The following RRAS2 variants were observed in gnomAD, a reference collection of about 807,000 sequenced individuals.
RRAS2 encodes RAS related 2.
A neutral mutation model predicts 27.6 loss-of-function variants in RRAS2; 7 were observed. The observed-to-expected ratio is 0.25, with a 90% confidence interval of 0.14 to 0.48. The LOEUF is 0.48. RRAS2 is among the 20% of genes least tolerant of loss of function. The pLI is 0.99. For synonymous variants in RRAS2, 86 were observed against 90.9 expected, an observed-to-expected ratio of 0.95 and a Z score of 0.31; for missense variants, 178 against 256.2, an observed-to-expected ratio of 0.69 and a Z score of 2.08.
chr11:14,320,724 A>G (rs1848203211), intron 1 of RRAS2, among the ~76,000 whole-genome samples: 1 of 152,226 alleles, frequency 6.6e-6, no homozygotes, highest in South Asian at 2.1e-4. Flanking sequence ...TTTATTTTAA[A>G]TAGGATGGAT....
chr11:14,294,427 T>C (rs782261336), intron 4 of RRAS2, 44 bp downstream of exon 4: 13 of 1,286,468 alleles, frequency 1.0e-5, no homozygotes, highest in Admixed American at 2.2e-5. Context: ...TTCACTCACA[T>C]GATTATAAAC....
chr11:14,332,710 T>A (rs952779912), intron 1 of RRAS2, among the ~76,000 whole-genome samples: 8 of 152,110 alleles, frequency 5.3e-5, no homozygotes, highest in Admixed American at 3.3e-4. Flanking sequence ...CTTGGAGAGA[T>A]AGAAATGTCC....
In RRAS2 at chr11:14,290,501, T is replaced by C. The variant is rs140560804; in HGVS notation, c.408+3970A>G. On this transcript the variant is annotated intron_variant, in intron 4 of 5. Coordinates refer to ENST00000256196, the MANE Select transcript of RRAS2 (RefSeq NM_012250.6). ...ACTATAGCATCTCAATTTCATGCTA[T>C]AGTATCTCAATTTCAATAGCATGCC... 5.2e-3 allele frequency among the ~76,000 whole-genome samples: 792 copies of C among 152,272 alleles called. 6 individuals are homozygous for C. Among genetic ancestry groups the C allele is most frequent in the African/African-American group, 0.018 (744 of 41,554 alleles).
rs1554946031 is a variant in RRAS2 at position 14,293,124 on chromosome 11, A to AATACATATAT, written c.408+1346_408+1347insATATATGTAT. ...CTCCGTCTCAAAACAAAACAAAACAAATATATATATATATATATATATATA... is the reference window on the plus strand; with the variant it reads ...CTCCGTCTCAAAACAAAACAAAACAAATACATATATATATATATATATATATATATATATA... On this transcript the variant is annotated intron_variant, in intron 4 of 5. Transcript: ENST00000256196. Among the ~76,000 whole-genome samples, 29 of 76,798 alleles carry AATACATATAT rather than the reference A, an allele frequency of 3.8e-4. 1 individual carries two copies. The highest frequency in any genetic ancestry group is 1.7e-3 in the African/African-American group (28 of 16,002). 50.4% of individuals were successfully genotyped at this position (76,798 alleles called of 152,430 possible). A position where few individuals can be genotyped will look rare whatever the true frequency, so the allele number is the denominator to read the frequency against.
chr11:14,343,911 T>G (rs1554953690), intron 1 of RRAS2, among the ~76,000 whole-genome samples: 1 of 151,490 alleles, frequency 6.6e-6, no homozygotes, highest in African/African-American at 2.4e-5. Context: ...GAGGCCAAGG[T>G]GGGCAGATCA....
chr11:14,320,743 A>G (rs1198694902), intron 1 of RRAS2, among the ~76,000 whole-genome samples: 1 of 152,228 alleles, frequency 6.6e-6, no homozygotes, highest in Non-Finnish European at 1.5e-5. Flanking sequence ...ATTGGTAAAA[A>G]TAAAAATATA....
At chr11:14,339,248 C>T (rs1848648569) in intron 1 of RRAS2, among the ~76,000 whole-genome samples, 1 of 126,930 alleles carries the variant, frequency 7.9e-6, no homozygotes, top group Non-Finnish European at 1.5e-5. Context: ...TCGAGACCAG[C>T]CTGGGCAACA....
At chr11:14,314,185 C>T (rs977560480) in intron 1 of RRAS2, among the ~76,000 whole-genome samples, 2 of 152,140 alleles carry the variant, frequency 1.3e-5, no homozygotes, top group Non-Finnish European at 2.9e-5. Context: ...CATTAAATGC[C>T]TTTGTTTACA....
At chr11:14,324,966 G>A (rs536349916) in intron 1 of RRAS2, among the ~76,000 whole-genome samples, 1 of 152,276 alleles carries the variant, frequency 6.6e-6, no homozygotes, top group South Asian at 2.1e-4. Context: ...ATTGAGGGGA[G>A]AGATTATAAA....
chr11:14,300,031 G>A lies in RRAS2; in HGVS notation c.109-4176C>T, dbSNP rs7927818. ...GAAAGGATGTTCTGTAGCAGAAAGA[G>A]AAAAAAAGAGGAAAAAAAAGCAAGC... On this transcript the variant is annotated intron_variant, in intron 1 of 5. Coordinates refer to ENST00000256196, the MANE Select transcript of RRAS2 (RefSeq NM_012250.6). Among the ~76,000 whole-genome samples, 958 of 151,950 alleles carry A rather than the reference G, an allele frequency of 6.3e-3. 16 individuals carry two copies. The highest frequency in any genetic ancestry group is 0.022 in the African/African-American group (906 of 41,438).
chr11:14,323,119 C>T (rs549301520), intron 1 of RRAS2, among the ~76,000 whole-genome samples: 7 of 152,128 alleles, frequency 4.6e-5, no homozygotes, highest in East Asian at 3.9e-4. Flanking sequence ...AATGGACATA[C>T]GCCTAGAAAA....
intron 1 of RRAS2, among the ~76,000 whole-genome samples, chr11:14,302,052 G>C (rs184594366): frequency 1.9e-5 from 2 of 104,260 alleles, no homozygotes; most frequent in East Asian, 7.0e-4. Context: ...TATAAAACAA[G>C]GAGTAAATGT....
chr11:14,327,645 T>C, intron 1 of RRAS2, among the ~76,000 whole-genome samples: 1 of 152,208 alleles, frequency 6.6e-6, no homozygotes, highest in East Asian at 1.9e-4. Flanking sequence ...GCTACCAGAA[T>C]TTTAATAAAA....
At chr11:14,292,964 G>A (rs765841582) in intron 4 of RRAS2, among the ~76,000 whole-genome samples, 11 of 150,990 alleles carry the variant, frequency 7.3e-5, no homozygotes, top group Admixed American at 2.0e-4. Context: ...AAAATTAGCC[G>A]GGCATGCTGG....
chr11:14,287,258 T>C (rs1295932265), intron 4 of RRAS2, among the ~76,000 whole-genome samples: 1 of 152,200 alleles, frequency 6.6e-6, no homozygotes, highest in East Asian at 1.9e-4. Flanking sequence ...GACAGGTTTG[T>C]CTTTGTACAT....
intron 1 of RRAS2, among the ~76,000 whole-genome samples, chr11:14,330,243 C>T (rs1268702031): frequency 6.6e-6 from 1 of 152,168 alleles, no homozygotes; most frequent in Admixed American, 6.5e-5. Context: ...AGGAAAAATA[C>T]AAGGATCTAT....
intron 1 of RRAS2, among the ~76,000 whole-genome samples, chr11:14,344,626 C>A (rs1045904218): frequency 2.0e-5 from 3 of 152,174 alleles, no homozygotes; most frequent in Non-Finnish European, 4.4e-5. Context: ...TCAACCACAT[C>A]GTCATTAACC....
At chr11:14,317,798 G>A (rs1034089874) in intron 1 of RRAS2, among the ~76,000 whole-genome samples, 2 of 152,200 alleles carry the variant, frequency 1.3e-5, no homozygotes, top group Non-Finnish European at 2.9e-5. Flanking sequence ...GAGCACAGTG[G>A]CTCATACCTG....
chr11:14,280,578 T>C (rs1849498726), intron 5 of RRAS2, among the ~76,000 whole-genome samples: 1 of 151,588 alleles, frequency 6.6e-6, no homozygotes, highest in African/African-American at 2.4e-5. Flanking sequence ...ATACAAAGAT[T>C]AGCTGGATGT....
Sources: allele counts gnomAD v4.1 joint callset (sites outside exome capture counted in the v4.1 genomes callset), GRCh38; gene constraint gnomAD v4.1.1; transcripts MANE v1.5; gene names NCBI Gene and HGNC (gene_info 2026-07-23, HGNC 2026-07-21).